ACSBG1: variants seen among roughly 807,000 people sequenced by gnomAD.
ACSBG1 encodes the protein long-chain-fatty-acid--CoA ligase ACSBG1.
Under a neutral mutation model 80.2 loss-of-function variants are expected in ACSBG1, and 39 were observed. That is an observed-to-expected ratio of 0.49 (90% CI 0.38 to 0.64). The LOEUF is 0.64. Among genes scored for constraint, ACSBG1 ranks in the 30% least tolerant of loss-of-function variants. ACSBG1 has a pLI of 0.00. For synonymous variants in ACSBG1, 392 were observed against 379.5 expected, an observed-to-expected ratio of 1.03 and a Z score of -0.38; for missense variants, 828 against 966.4, an observed-to-expected ratio of 0.86 and a Z score of 1.90.
chr15:78,184,365 A>AGACAGGGGGGTCTCACTAT (rs1459438652), intron 5 of ACSBG1, among the ~76,000 whole-genome samples: 2 of 151,404 alleles, frequency 1.3e-5, no homozygotes, highest in East Asian at 3.9e-4. Context: ...TTTTTTGTAG[A>AGACAGGGGGGTCTCACTAT]GACAGGGGGG....
At chr15:78,207,908 G>C (rs963461146) in intron 2 of ACSBG1, 94 bp downstream of exon 2, 2 of 939,428 alleles carry the variant, frequency 2.1e-6, no homozygotes, top group Non-Finnish European at 3.3e-6. Flanking sequence ...CCGCAGTTCT[G>C]TGTGGTGGTC....
chr15:78,187,792 C>G (rs924550875), intron 5 of ACSBG1, among the ~76,000 whole-genome samples: 1 of 152,172 alleles, frequency 6.6e-6, no homozygotes, highest in African/African-American at 2.4e-5. Context: ...TCTCACCACT[C>G]CTATTCAACA....
At chr15:78,226,553 G>A (rs762364541) in intron 1 of ACSBG1, 7 of 195,494 alleles carry the variant, frequency 3.6e-5, no homozygotes, top group Admixed American at 1.2e-4. Context: ...TGGGAAGATC[G>A]CTTCAGGCCA....
intron 1 of ACSBG1, among the ~76,000 whole-genome samples, chr15:78,233,310 G>A (rs554582860): frequency 1.3e-5 from 2 of 152,260 alleles, no homozygotes; most frequent in Non-Finnish European, 2.9e-5. Context: ...GCCCTCGGAG[G>A]GGCCTCTGCA....
chr15:78,178,783 G>T lies in ACSBG1; in HGVS notation c.1533C>A (p.Asp511Glu). 1 of 1,613,872 alleles carries T rather than the reference G, an allele frequency of 6.2e-7. No individual in the cohort carries two copies. Among genetic ancestry groups the T allele is most frequent in the Non-Finnish European group, 8.5e-7 (1 of 1,180,038 alleles). The change falls in exon 11 of 14, where the codon GAC becomes GAA. Residue 511 changes from aspartate (D) to glutamate (E), a missense_variant. By Grantham distance (45) the Asp-to-Glu change is conservative (BLOSUM62 2). This residue lies in a region of ACSBG1 where 271 missense variants were observed against 375.9 expected (regional missense o/e 0.72). Coordinates refer to ENST00000258873, the MANE Select transcript of ACSBG1 (RefSeq NM_015162.5). This position sits in a 1 kb window ranked among gnomAD's most constrained non-coding sequence, Gnocchi z 4.3. ...PGCRVKLVNQ[D>E]AEGIGEICLW... is the part of the protein sequence containing the mutation. ...GGCAGATCTCGCCAATGCCCTCTGC[G>T]TCCTGGTTCACCAGCTTCACCCGAC...
At chr15:78,193,831 T>G in intron 4 of ACSBG1, 101 bp downstream of exon 4, 1 of 1,478,308 alleles carries the variant, frequency 6.8e-7, no homozygotes, top group South Asian at 1.2e-5. Context: ...GGCAGGATGG[T>G]GGGGAGTGGG....
chr15:78,227,693 A>G (rs997834115), intron 1 of ACSBG1, among the ~76,000 whole-genome samples: 2 of 152,244 alleles, frequency 1.3e-5, no homozygotes, highest in Non-Finnish European at 2.9e-5. Flanking sequence ...AGAATTTCAT[A>G]GCAGCTTTAC....
chr15:78,191,955 T>C (rs1354077622), intron 5 of ACSBG1, among the ~76,000 whole-genome samples: 3 of 152,074 alleles, frequency 2.0e-5, no homozygotes, highest in African/African-American at 4.8e-5. Context: ...TATGTGGAAA[T>C]AGGGTCTTTA....
chr15:78,181,634 C>A (rs548169432), intron 8 of ACSBG1, among the ~76,000 whole-genome samples: 23 of 151,840 alleles, frequency 1.5e-4, no homozygotes, highest in Admixed American at 3.3e-4. Flanking sequence ...GCTGGGACTA[C>A]AGGCACCTGC....
At position 78,206,036 on chromosome 15, in the gene ACSBG1, CACCAGGGCTGCAG is replaced by C. The variant is rs529633929; in HGVS notation, c.232+1953_232+1965del. On this transcript the variant is annotated intron_variant, in intron 2 of 13. Coordinates refer to ENST00000258873, the MANE Select transcript of ACSBG1 (RefSeq NM_015162.5). ...GAGGCTCCCCCTCCACCCCCAAGGA[CACCAGGGCTGCAG>C]GACAGGGTGCTGGGCAGAGCATGGC... Among the ~76,000 whole-genome samples, 1,033 of 152,336 alleles carry C rather than the reference CACCAGGGCTGCAG, an allele frequency of 6.8e-3. 7 individuals carry two copies. The highest frequency in any genetic ancestry group is 0.012 in the Non-Finnish European group (790 of 68,038).
At position 78,182,694 on chromosome 15, in the gene ACSBG1, A is replaced by G. The variant is rs1384296248; in HGVS notation, c.744+11T>C. ...GGCCCCACCTGGCGCCCAGGGCCCCACTGCCCATACCGTGTACACATTGGC... is the reference window on the plus strand; with the variant it reads ...GGCCCCACCTGGCGCCCAGGGCCCCGCTGCCCATACCGTGTACACATTGGC... On this transcript the variant is annotated intron_variant, in intron 6 of 13. Transcript: ENST00000258873. The G allele has an allele frequency of 8.7e-6, 14 of 1,614,180 alleles. No individual in the cohort carries two copies. Among genetic ancestry groups the G allele is most frequent in the Non-Finnish European group, 1.2e-5 (14 of 1,179,998 alleles).
At position 78,204,390 on chromosome 15, in the gene ACSBG1, A is replaced by G. The variant is rs116912374; in HGVS notation, c.232+3612T>C. Among the ~76,000 whole-genome samples, 72 of 152,278 alleles carry G rather than the reference A, an allele frequency of 4.7e-4. No homozygotes were observed. The East Asian group carries it at 0.013, about 27-fold the overall frequency. Reference sequence around the variant, plus strand: ...GAGACCTCAGGCTGGGTCTCCATCCACTGGAGAGAAGCCGGGTCTGAGCAA... The same window carrying G: ...GAGACCTCAGGCTGGGTCTCCATCCGCTGGAGAGAAGCCGGGTCTGAGCAA... On this transcript the variant is annotated intron_variant, in intron 2 of 13. Transcript: ENST00000258873.
At position 78,182,157 on chromosome 15, in the gene ACSBG1, G is replaced by A. The variant is rs1474203355; in HGVS notation, c.895-12C>T. 2.3e-5 allele frequency: 37 copies of A among 1,605,176 alleles called. No homozygotes were observed. Among genetic ancestry groups the A allele is most frequent in the Non-Finnish European group, 3.1e-5 (37 of 1,179,394 alleles). ...GCCGTCCACGTGATCTGGAGGACAAGTAGATGGATCCCAGCAGTGTCCACA... is the reference window on the plus strand; with the variant it reads ...GCCGTCCACGTGATCTGGAGGACAAATAGATGGATCCCAGCAGTGTCCACA... On this transcript the variant is annotated splice_polypyrimidine_tract_variant and intron_variant, in intron 7 of 13. Coordinates refer to ENST00000258873, the MANE Select transcript of ACSBG1 (RefSeq NM_015162.5).
chr15:78,216,746 G>A (rs951417105), intron 1 of ACSBG1, among the ~76,000 whole-genome samples: 6 of 152,154 alleles, frequency 3.9e-5, no homozygotes, highest in African/African-American at 1.4e-4. Context: ...CTTGGCTCCT[G>A]CCTGGGTGGG....
At position 78,178,137 on chromosome 15, in the gene ACSBG1, T is replaced by C. The variant is rs2074901751; in HGVS notation, c.1702+477A>G. Among the ~76,000 whole-genome samples the C allele has an allele frequency of 6.6e-6, 1 of 152,144 alleles. No homozygotes were observed. Among genetic ancestry groups the C allele is most frequent in the Admixed American group, 6.5e-5 (1 of 15,276 alleles). Reference sequence around the variant, plus strand: ...TCATTAGCAAGTTAAGGTTAATAAGTACCTGCCCCATAGGAGAGTGGAGTA... The same window carrying C: ...TCATTAGCAAGTTAAGGTTAATAAGCACCTGCCCCATAGGAGAGTGGAGTA... On this transcript the variant is annotated intron_variant, in intron 11 of 13. Transcript: ENST00000258873. The surrounding 1 kb of genome is among the most constrained non-coding windows in gnomAD (Gnocchi z 4.3).
chr15:78,168,734 G>C lies in ACSBG1; in HGVS notation c.*2710C>G. The C allele has an allele frequency of 1.8e-6, 1 of 543,234 alleles. No homozygotes were observed. The highest frequency in any genetic ancestry group is 3.4e-6 in the Non-Finnish European group (1 of 297,812). 33.7% of individuals were successfully genotyped at this position (543,234 alleles called of 1,614,324 possible). On this transcript the variant is annotated 3_prime_UTR_variant, in exon 14 of 14. Transcript: ENST00000258873. ...CAGAGTGCTGTTGTATACACTATGA[G>C]ATTGGATCCCGATCCTCCTGGGCTG...
In ACSBG1 at chr15:78,194,639, C is replaced by A. The variant is rs1266411872; in HGVS notation, c.320G>T (p.Arg107Leu). The A allele has an allele frequency of 1.2e-6, 2 of 1,614,130 alleles. No individual in the cohort carries two copies. Among genetic ancestry groups the A allele is most frequent in the African/African-American group, 2.7e-5 (2 of 74,958 alleles). Residue 107 changes from arginine to leucine, a missense_variant, in exon 3 of 14, where the codon CGG becomes CTG. By Grantham distance (102) the Arg-to-Leu change is moderately radical (BLOSUM62 -2). Transcript: ENST00000258873. ...SCPQLPYTVH[R>L]MFYEALDKYG... ...CTTATCCAGGGCCTCGTAGAACATC[C>A]GATGCACAGTGTAGGGAAGCTGTGG...
At chr15:78,230,725 C>T (rs2075438969) in intron 1 of ACSBG1, among the ~76,000 whole-genome samples, 1 of 152,220 alleles carries the variant, frequency 6.6e-6, no homozygotes. Flanking sequence ...TGCTCAAGCT[C>T]TCGTCTTGTC....
chr15:78,173,885 AC>A (rs1197711741), intron 12 of ACSBG1, 46 bp from the exon 13 acceptor site: 1 of 1,590,014 alleles, frequency 6.3e-7, no homozygotes, highest in African/African-American at 1.3e-5. Context: ...ACCCAACAAG[AC>A]GTAAGCCCTG....
Sources: allele counts gnomAD v4.1 joint callset (sites outside exome capture counted in the v4.1 genomes callset), GRCh38; gene constraint gnomAD v4.1.1; regional missense constraint gnomAD v4.1.1; non-coding constraint Gnocchi (gnomAD v3.1); transcripts MANE v1.5; gene names NCBI Gene and HGNC (gene_info 2026-07-23, HGNC 2026-07-21).